The following ARHGAP18 variants were observed in gnomAD, a reference collection of about 807,000 sequenced individuals.
ARHGAP18 encodes the protein Rho GTPase activating protein 18.
A neutral mutation model predicts 86.2 loss-of-function variants in ARHGAP18; 67 were observed. That is an observed-to-expected ratio of 0.78 (90% CI 0.64 to 0.95). The LOEUF (loss-of-function observed/expected upper bound fraction) is 0.95, where lower values mean the gene tolerates loss of function less well. ARHGAP18 is among the 40% of genes least tolerant of loss of function. The pLI is 0.00. For missense variants in ARHGAP18, 691 were observed against 780.4 expected, an observed-to-expected ratio of 0.89 and a Z score of 1.37; for synonymous variants, 283 against 280.4, an observed-to-expected ratio of 1.01 and a Z score of -0.09.
At position 129,618,673 on chromosome 6, in the gene ARHGAP18, C is replaced by T; in HGVS notation, c.952+14G>A. ...TTTAGAAATAAATCCAAGGGTTTATCATTTCATGATTACCTTTTGTTTTGA... is the reference window on the plus strand; with the variant it reads ...TTTAGAAATAAATCCAAGGGTTTATTATTTCATGATTACCTTTTGTTTTGA... On this transcript the variant is annotated intron_variant, in intron 6 of 14. Coordinates refer to ENST00000368149, the MANE Select transcript of ARHGAP18 (RefSeq NM_033515.3). The T allele has an allele frequency of 6.3e-7, 1 of 1,591,092 alleles. No individual in the cohort carries two copies. The highest frequency in any genetic ancestry group is 8.6e-7 in the Non-Finnish European group (1 of 1,167,000).
intron 5 of ARHGAP18, among the ~76,000 whole-genome samples, chr6:129,624,021 T>G (rs1411068345): frequency 6.6e-6 from 1 of 152,122 alleles, no homozygotes; most frequent in Non-Finnish European, 1.5e-5. Flanking sequence ...TGAATATAAT[T>G]AAGAAGGTAG....
chr6:129,614,235 T>C (rs770294524), intron 7 of ARHGAP18, among the ~76,000 whole-genome samples: 6 of 152,198 alleles, frequency 3.9e-5, no homozygotes, highest in Non-Finnish European at 8.8e-5. Context: ...TGAATCTTCT[T>C]GCAAATCAGT....
chr6:129,709,581 C>A (rs1490497523), intron 1 of ARHGAP18, among the ~76,000 whole-genome samples: 1 of 152,172 alleles, frequency 6.6e-6, no homozygotes, highest in Non-Finnish European at 1.5e-5. Context: ...GGAAAAAAAA[C>A]ACTCTAACAA....
intron 12 of ARHGAP18, among the ~76,000 whole-genome samples, chr6:129,597,660 A>G (rs144364299): frequency 6.6e-6 from 1 of 152,068 alleles, no homozygotes; most frequent in Non-Finnish European, 1.5e-5. Context: ...CACCTAACAT[A>G]AAGTGGGGGC....
At chr6:129,614,539 A>T (rs1290787227) in intron 7 of ARHGAP18, among the ~76,000 whole-genome samples, 1 of 152,214 alleles carries the variant, frequency 6.6e-6, no homozygotes, top group Non-Finnish European at 1.5e-5. Flanking sequence ...AAATTTAAAA[A>T]AAAAACTTCA....
intron 3 of ARHGAP18, among the ~76,000 whole-genome samples, chr6:129,635,508 C>T (rs937227143): frequency 6.6e-6 from 1 of 152,240 alleles, no homozygotes; most frequent in African/African-American, 2.4e-5. Context: ...CCCTGCATGG[C>T]ACAATGAGCA....
intron 1 of ARHGAP18, among the ~76,000 whole-genome samples, chr6:129,665,825 T>A (rs906317943): frequency 6.6e-6 from 1 of 152,090 alleles, no homozygotes; most frequent in African/African-American, 2.4e-5. Flanking sequence ...GAGAGACCAA[T>A]AATGTTACCT....
At chr6:129,603,594 G>A (rs919976326) in intron 10 of ARHGAP18, among the ~76,000 whole-genome samples, 20 of 152,074 alleles carry the variant, frequency 1.3e-4, no homozygotes, top group African/African-American at 4.8e-4. Flanking sequence ...TAAAATGGGA[G>A]TACTTATCTC....
intron 12 of ARHGAP18, among the ~76,000 whole-genome samples, chr6:129,588,334 T>A (rs1788441701): frequency 6.6e-6 from 1 of 152,214 alleles, no homozygotes; most frequent in African/African-American, 2.4e-5. Flanking sequence ...GCTGCTGGTC[T>A]TGAACCCCTG....
At chr6:129,650,705 A>AT (rs1668438821) in intron 1 of ARHGAP18, among the ~76,000 whole-genome samples, 1 of 152,198 alleles carries the variant, frequency 6.6e-6, no homozygotes, top group Non-Finnish European at 1.5e-5. Context: ...CATGACTTGC[A>AT]TCCACCTGAT....
chr6:129,593,899 A>T (rs1788564616), intron 12 of ARHGAP18, among the ~76,000 whole-genome samples: 1 of 152,220 alleles, frequency 6.6e-6, no homozygotes, highest in African/African-American at 2.4e-5. Context: ...ACCTGGCTCA[A>T]ATTATTAATT....
intron 1 of ARHGAP18, among the ~76,000 whole-genome samples, chr6:129,670,912 A>G (rs893002878): frequency 5.9e-5 from 9 of 152,008 alleles, no homozygotes; most frequent in African/African-American, 1.9e-4. Context: ...CTTTTACCCA[A>G]TTCCCAATCT....
At chr6:129,661,456 A>G (rs1449977576) in intron 1 of ARHGAP18, among the ~76,000 whole-genome samples, 1 of 150,326 alleles carries the variant, frequency 6.7e-6, no homozygotes, top group Non-Finnish European at 1.5e-5. Flanking sequence ...TGTTCATTCT[A>G]CTTTACTGTT....
chr6:129,597,334 CTGTCT>C (rs1229650877), intron 12 of ARHGAP18, among the ~76,000 whole-genome samples: 1 of 152,046 alleles, frequency 6.6e-6, no homozygotes, highest in Non-Finnish European at 1.5e-5. Flanking sequence ...TGAGGTTCCA[CTGTCT>C]TGGCCAGGCT....
intron 12 of ARHGAP18, 97 bp from the exon 13 acceptor site, chr6:129,584,209 T>A: frequency 6.7e-7 from 1 of 1,484,408 alleles, no homozygotes; most frequent in Non-Finnish European, 9.0e-7. Context: ...CTACTACGCA[T>A]TTTACTTCAC....
intron 1 of ARHGAP18, among the ~76,000 whole-genome samples, chr6:129,676,948 T>TTTTTTTTTTTTTTTTTA (rs1562721207): frequency 9.3e-6 from 1 of 107,076 alleles, no homozygotes; most frequent in African/African-American, 3.8e-5. Flanking sequence ...TTTTTTTTTT[T>TTTTTTTTTTTTTTTTTA]AAGGAAGGAA....
chr6:129,623,689 G>A (rs1487281033), intron 5 of ARHGAP18, among the ~76,000 whole-genome samples: 2 of 152,036 alleles, frequency 1.3e-5, no homozygotes, highest in African/African-American at 2.4e-5. Flanking sequence ...TTCAACCATG[G>A]GAAAGACTTG....
At chr6:129,636,488 C>T (rs543474845) in intron 3 of ARHGAP18, among the ~76,000 whole-genome samples, 96 of 152,264 alleles carry the variant, frequency 6.3e-4, no homozygotes, top group African/African-American at 2.3e-3. Flanking sequence ...GAATCATGTA[C>T]AAAATGCAAA....
chr6:129,695,878 C>T (rs1012382550), intron 1 of ARHGAP18, among the ~76,000 whole-genome samples: 10 of 152,146 alleles, frequency 6.6e-5, no homozygotes, highest in Non-Finnish European at 1.3e-4. Context: ...CCCCACCCAC[C>T]TACAGCTCAG....
Sources: gnomAD v4.1 joint callset for allele counts (sites outside exome capture counted in the v4.1 genomes callset) on GRCh38, gnomAD v4.1.1 for gene constraint, MANE v1.5 for transcripts, NCBI Gene and HGNC (gene_info 2026-07-23, HGNC 2026-07-21) for gene names.